The following CHID1 variants were observed in gnomAD, a reference collection of about 807,000 sequenced individuals.
The protein encoded by CHID1 is chitinase domain containing 1, also known as chitinase domain-containing protein 1.
CHID1 carries 44 observed loss-of-function variants against 55.4 expected under a neutral mutation model. That is an observed-to-expected ratio of 0.79 (90% CI 0.62 to 1.02). CHID1 has a LOEUF of 1.02. Among genes scored for constraint, CHID1 ranks in the 50% least tolerant of loss-of-function variants. The probability of loss-of-function intolerance (pLI) is 0.00; values close to 1 mark genes in which losing one functional copy is unlikely to be tolerated. For synonymous variants in CHID1, 216 were observed against 212.9 expected (o/e 1.01, Z -0.13); for missense variants, 491 against 515.3 (o/e 0.95, Z 0.46).
intron 8 of CHID1, among the ~76,000 whole-genome samples, chr11:888,312 C>G (rs1269985918): frequency 1.3e-5 from 2 of 152,148 alleles, no homozygotes; most frequent in East Asian, 1.9e-4. Context: ...CAGTCCTGTG[C>G]CCCCGGTCCT....
intron 8 of CHID1, among the ~76,000 whole-genome samples, chr11:889,733 G>A (rs1850661382): frequency 6.6e-6 from 1 of 152,126 alleles, no homozygotes; most frequent in Non-Finnish European, 1.5e-5. Flanking sequence ...CCCTAACAGA[G>A]ATGGTGGCAT....
chr11:874,989 G>A (rs1243464337), intron 10 of CHID1: 4 of 152,290 alleles, frequency 2.6e-5, no homozygotes, highest in African/African-American at 4.8e-5. Context: ...GACCCCTCAG[G>A]AGCCCCCACA....
At chr11:871,737 T>C (rs1481311024) in intron 10 of CHID1, among the ~76,000 whole-genome samples, 1 of 152,220 alleles carries the variant, frequency 6.6e-6, no homozygotes, top group Non-Finnish European at 1.5e-5. Context: ...CGCAGGGACC[T>C]GGGCCGTGTG....
intron 1 of CHID1, among the ~76,000 whole-genome samples, chr11:905,540 T>C (rs1292344242): frequency 6.6e-6 from 1 of 151,902 alleles, no homozygotes; most frequent in Non-Finnish European, 1.5e-5. Context: ...TGTGGTGGCG[T>C]GCACCTGCAG....
At chr11:899,202 T>C (rs1185356387) in intron 7 of CHID1, 138 bp downstream of exon 7, 1 of 792,992 alleles carries the variant, frequency 1.3e-6, no homozygotes, top group Non-Finnish European at 2.0e-6. Context: ...GTGTCCATCT[T>C]TTGTGCAGCC....
chr11:873,340 A>G (rs1169275222), intron 10 of CHID1, among the ~76,000 whole-genome samples: 1 of 151,634 alleles, frequency 6.6e-6, no homozygotes, highest in African/African-American at 2.4e-5. Flanking sequence ...GGTAACTGGG[A>G]CCCCCTTGAG....
intron 10 of CHID1, among the ~76,000 whole-genome samples, chr11:871,933 C>T (rs1392008059): frequency 6.6e-6 from 1 of 152,214 alleles, no homozygotes; most frequent in African/African-American, 2.4e-5. Flanking sequence ...CCCCTTGACA[C>T]TGGGAGCCTC....
At chr11:893,015 G>A (rs951418121) in intron 8 of CHID1, among the ~76,000 whole-genome samples, 1 of 152,248 alleles carries the variant, frequency 6.6e-6, no homozygotes, top group African/African-American at 2.4e-5. Flanking sequence ...CCTCTGGAGG[G>A]AGAGGAGGCT....
At chr11:874,234 G>A (rs1213693803) in intron 10 of CHID1, among the ~76,000 whole-genome samples, 2 of 152,190 alleles carry the variant, frequency 1.3e-5, no homozygotes, top group African/African-American at 4.8e-5. Context: ...GGCTGAGGCG[G>A]GCGGATCACC....
chr11:903,227 A>G, intron 2 of CHID1, 116 bp from the exon 3 acceptor site: 2 of 1,039,360 alleles, frequency 1.9e-6, no homozygotes, highest in East Asian at 2.5e-5. Context: ...GGATCCACAC[A>G]GTGCTGCTGA....
intron 1 of CHID1, among the ~76,000 whole-genome samples, chr11:909,592 GTA>G (rs1385334163): frequency 1.3e-5 from 2 of 152,246 alleles, no homozygotes; most frequent in Admixed American, 6.5e-5. Context: ...CAGCACACGT[GTA>G]TGTCATGTGT....
In CHID1 at chr11:884,074, G is replaced by A. The variant is rs767285671; in HGVS notation, c.797C>T (p.Ala266Val). 1.4e-5 allele frequency: 23 copies of A among 1,612,770 alleles called. No homozygotes were observed. The highest frequency in any genetic ancestry group is 3.3e-5 in the South Asian group (3 of 91,060). Residue 266 changes from alanine to valine, a missense_variant, in exon 9 of 13, where the codon GCG becomes GTG. Ala to Val is a moderately conservative substitution (Grantham distance 64). Coordinates refer to ENST00000323578, the MANE Select transcript of CHID1 (RefSeq NM_023947.4). ...FSLMTYDYST[A>V]HQPGPNAPLS... is the part of the protein sequence containing the mutation. The stretch of plus-strand genomic sequence containing the variant: ...CCCCCAAGCCCACACTCACTGATGC[G>A]CTGTAGAGTAGTCGTAGGTCATGAG...
intron 3 of CHID1, 96 bp downstream of exon 3, chr11:902,866 C>T: frequency 8.6e-7 from 1 of 1,159,784 alleles, no homozygotes; most frequent in Non-Finnish European, 1.2e-6. Context: ...GAACATAGAC[C>T]CCCATCACTG....
rs571293426 is a variant in CHID1 at position 871,151 on chromosome 11, C to T, written c.960-652G>A. ...GACTACAAGCACACATCACCATGCCCGACTAATTTTTGTTATTTTTTAGTA... is the reference window on the plus strand; with the variant it reads ...GACTACAAGCACACATCACCATGCCTGACTAATTTTTGTTATTTTTTAGTA... On this transcript the variant is annotated intron_variant, in intron 10 of 12. Transcript: ENST00000323578. Among the ~76,000 whole-genome samples the T allele has an allele frequency of 3.3e-5, 5 of 152,200 alleles. No individual in the cohort carries two copies. The East Asian group carries it at 5.8e-4, about 18-fold the overall frequency.
intron 2 of CHID1, 137 bp downstream of exon 2, chr11:904,569 C>T (rs951918396): frequency 2.4e-5 from 22 of 934,846 alleles, no homozygotes; most frequent in Admixed American, 5.0e-5. Flanking sequence ...CCACCGGCTG[C>T]GGGCTCATCA....
chr11:870,352 A>G, intron 11 of CHID1, 67 bp downstream of exon 11: 2 of 1,415,898 alleles, frequency 1.4e-6, no homozygotes, highest in Non-Finnish European at 2.0e-6. Flanking sequence ...CTGCTCCCTC[A>G]TCTCCACCCC....
In CHID1 at chr11:901,625, G is replaced by A. The variant is rs146065995; in HGVS notation, c.394+573C>T. Reference sequence around the variant, plus strand: ...GGAGGAGAAGCCAATGGCCCGTGCCGTTTGCTGCCCAGAGGCTGCCTGAGT... The same window carrying A: ...GGAGGAGAAGCCAATGGCCCGTGCCATTTGCTGCCCAGAGGCTGCCTGAGT... On this transcript the variant is annotated intron_variant, in intron 4 of 12. Transcript: ENST00000323578. 3.0e-4 allele frequency among the ~76,000 whole-genome samples: 45 copies of A among 152,280 alleles called. No homozygotes were observed. The East Asian group carries it at 6.6e-3, about 22-fold the overall frequency.
chr11:877,313 A>G (rs1400010655), intron 10 of CHID1, among the ~76,000 whole-genome samples: 1 of 152,362 alleles, frequency 6.6e-6, no homozygotes, highest in East Asian at 1.9e-4. Context: ...TCTGGAGCCC[A>G]GACTGGAGTG....
At chr11:891,016 A>C (rs1850777530) in intron 8 of CHID1, among the ~76,000 whole-genome samples, 1 of 152,162 alleles carries the variant, frequency 6.6e-6, no homozygotes, top group South Asian at 2.1e-4. Context: ...AAGCACAATT[A>C]CGCGCTGCTG....
Sources: allele counts gnomAD v4.1 joint callset (sites outside exome capture counted in the v4.1 genomes callset), GRCh38; gene constraint gnomAD v4.1.1; transcripts MANE v1.5; gene names NCBI Gene and HGNC (gene_info 2026-07-23, HGNC 2026-07-21).